Variants in DNAI3 observed in about 807,000 individuals in gnomAD.
DNAI3 encodes dynein axonemal intermediate chain 3.
DNAI3 carries 83 observed loss-of-function variants against 115.5 expected under a neutral mutation model. That is an observed-to-expected ratio of 0.72 (90% CI 0.60 to 0.86). The LOEUF (loss-of-function observed/expected upper bound fraction) is 0.86, where lower values mean the gene tolerates loss of function less well. Among genes scored for constraint, DNAI3 ranks in the 40% least tolerant of loss-of-function variants. The probability of loss-of-function intolerance (pLI) is 0.00; values close to 1 mark genes in which losing one functional copy is unlikely to be tolerated. For missense variants in DNAI3, 1,004 were observed against 1,075.8 expected (o/e 0.93, Z 0.93); for synonymous variants, 320 against 347.0 (o/e 0.92, Z 0.86).
intron 16 of DNAI3, among the ~76,000 whole-genome samples, chr1:85,114,666 C>T (rs941831912): frequency 6.6e-5 from 10 of 152,160 alleles, no homozygotes; most frequent in African/African-American, 2.2e-4. Context: ...GTCACACTGC[C>T]GACTATCCGC....
chr1:85,088,902 A>G (rs1654878545), intron 7 of DNAI3, among the ~76,000 whole-genome samples: 1 of 151,996 alleles, frequency 6.6e-6, no homozygotes, highest in African/African-American at 2.4e-5. Context: ...AATTGAACCC[A>G]AGTCTCTCTG....
At chr1:85,109,494 A>G (rs554891485) in intron 15 of DNAI3, among the ~76,000 whole-genome samples, 2 of 152,334 alleles carry the variant, frequency 1.3e-5, no homozygotes, top group East Asian at 1.9e-4. Flanking sequence ...ATTGCATAGC[A>G]TGTGGACAAA....
chr1:85,112,507 A>G (rs1185101532), intron 16 of DNAI3, among the ~76,000 whole-genome samples: 2 of 152,286 alleles, frequency 1.3e-5, no homozygotes, highest in Non-Finnish European at 2.9e-5. Flanking sequence ...TTTTTCAGAA[A>G]CTGCCAAAGC....
chr1:85,064,357 A>G (rs1406759748), intron 1 of DNAI3, among the ~76,000 whole-genome samples: 1 of 152,232 alleles, frequency 6.6e-6, no homozygotes, highest in Non-Finnish European at 1.5e-5. Flanking sequence ...AGAAGTGGAA[A>G]TAGGTATGGA....
intron 1 of DNAI3, among the ~76,000 whole-genome samples, chr1:85,066,315 T>C (rs2006932): frequency 4.8e-5 from 1 of 20,824 alleles, no homozygotes; most frequent in African/African-American, 1.5e-4. Context: ...TCTGCTACTC[T>C]TTTTTTTTTT....
In DNAI3 at chr1:85,110,031, A is replaced by G. The variant is rs747059411; in HGVS notation, c.1699-17A>G. ...AGGATATGTGGAAATAATCTTTGCT[A>G]TATGTTCTCCCAAAAGGTAAGGCTG... On this transcript the variant is annotated splice_polypyrimidine_tract_variant and intron_variant, in intron 15 of 22. Coordinates refer to ENST00000294664, the MANE Select transcript of DNAI3 (RefSeq NM_145172.5). 2.4e-5 allele frequency: 39 copies of G among 1,607,268 alleles called. No homozygotes were observed. In the East Asian group the frequency reaches 6.9e-4, roughly 29 times the overall value.
At chr1:85,069,621 C>A (rs531887931) in intron 1 of DNAI3, among the ~76,000 whole-genome samples, 1 of 151,964 alleles carries the variant, frequency 6.6e-6, no homozygotes, top group Non-Finnish European at 1.5e-5. Context: ...CTCCTGACCT[C>A]GCGATCCACC....
intron 13 of DNAI3, among the ~76,000 whole-genome samples, chr1:85,101,031 G>A (rs1260070891): frequency 1.3e-5 from 2 of 151,836 alleles, no homozygotes; most frequent in Admixed American, 6.6e-5. Context: ...TAAATGACGA[G>A]TGAATGGGTG....
intron 8 of DNAI3, among the ~76,000 whole-genome samples, chr1:85,092,837 T>C (rs1215858136): frequency 8.8e-6 from 1 of 114,166 alleles, no homozygotes; most frequent in Non-Finnish European, 2.0e-5. Context: ...ACACACACAC[T>C]TCTAAACTCC....
chr1:85,119,382 A>G (rs1368243757), intron 17 of DNAI3, among the ~76,000 whole-genome samples: 1 of 152,242 alleles, frequency 6.6e-6, no homozygotes, highest in Non-Finnish European at 1.5e-5. Flanking sequence ...TACTTTCTGT[A>G]TCTACGAATG....
Position 85,094,482 on chromosome 1 carries a change from A to G in DNAI3, c.1100A>G (p.His367Arg), listed in dbSNP as rs1460548456. 2 of 1,614,164 alleles carry G rather than the reference A, an allele frequency of 1.2e-6. No individual in the cohort carries two copies. The highest frequency in any genetic ancestry group is 1.7e-6 in the Non-Finnish European group (2 of 1,180,018). Residue 367 changes from histidine (H) to arginine (R), a missense_variant, in exon 10 of 23, where the codon CAC (histidine) becomes CGC (arginine). His to Arg is a conservative substitution (Grantham distance 29). Transcript: ENST00000294664. ...CGACTTTCTTTTGAAGACAGAGTTC[A>G]CTTTTCTGGTAAATTATTGCTGCAG... is the stretch of plus-strand genomic sequence containing the variant. ...AVRLSFEDRV[H>R]FSGKLLLQPS...
intron 5 of DNAI3, 136 bp downstream of exon 5, chr1:85,082,540 GC>G: frequency 3.0e-6 from 2 of 672,656 alleles, no homozygotes; most frequent in Non-Finnish European, 2.5e-6. Flanking sequence ...AATCTCCCAG[GC>G]CCAAGTGATC....
chr1:85,101,718 A>C (rs1289243719), intron 13 of DNAI3, among the ~76,000 whole-genome samples: 17 of 98,688 alleles, frequency 1.7e-4, no homozygotes, highest in Admixed American at 1.3e-3. Flanking sequence ...ACAGAGCGAG[A>C]CTCCATCTCA....
chr1:85,079,254 G>C (rs1356001567), intron 3 of DNAI3, among the ~76,000 whole-genome samples: 1 of 151,238 alleles, frequency 6.6e-6, no homozygotes, highest in African/African-American at 2.5e-5. Flanking sequence ...GTTATGGTTA[G>C]TCTTTTGAGG....
chr1:85,098,382 T>C lies in DNAI3; in HGVS notation c.1351-148T>C, dbSNP rs569129995. 961 of 905,876 alleles carry C rather than the reference T, an allele frequency of 1.1e-3. 1 individual carries two copies. Among genetic ancestry groups the C allele is most frequent in the Non-Finnish European group, 1.4e-3 (879 of 624,010 alleles). 56.1% of individuals were successfully genotyped at this position (905,876 alleles called of 1,614,324 possible). A position where few individuals can be genotyped will look rare whatever the true frequency, so the allele number is the denominator to read the frequency against. ...AAAGTAGATAATCCTATTACCTAAA[T>C]ATATGATATAGAGAAACACTAATTT... On this transcript the variant is annotated intron_variant, in intron 12 of 22. Transcript: ENST00000294664.
At chr1:85,129,230 C>T (rs1345552002) in intron 21 of DNAI3, among the ~76,000 whole-genome samples, 1 of 147,840 alleles carries the variant, frequency 6.8e-6, no homozygotes, top group Non-Finnish European at 1.5e-5. Context: ...CGGTATTCTG[C>T]ACCCCCCACA....
chr1:85,132,885 C>T lies in DNAI3; in HGVS notation c.2563C>T (p.Gln855Ter). The change falls in exon 23 of 23, where the codon CAG (glutamine) becomes TAG (stop). Residue 855 changes from glutamine to a stop codon, truncating the protein, a stop_gained. Coordinates refer to ENST00000294664, the MANE Select transcript of DNAI3 (RefSeq NM_145172.5). LOFTEE classifies it low-confidence loss of function (END_TRUNC). Reference sequence around the variant, plus strand: ...ATATCAGAAGTCAAAAGAACAAATGCAGGCTGAATTAAAAATGGACTATGA... The same window carrying T: ...ATATCAGAAGTCAAAAGAACAAATGTAGGCTGAATTAAAAATGGACTATGA... ...KTYQKSKEQM[Q>*]AELKMDYESY... 2.5e-6 allele frequency: 4 copies of T among 1,613,674 alleles called. No individual in the cohort carries two copies. Among genetic ancestry groups the T allele is most frequent in the Middle Eastern group, 1.7e-4 (1 of 6,056 alleles).
At chr1:85,131,827 G>A (rs1234274921) in intron 22 of DNAI3, among the ~76,000 whole-genome samples, 1 of 151,992 alleles carries the variant, frequency 6.6e-6, no homozygotes, top group East Asian at 1.9e-4. Context: ...GTAGAATTGT[G>A]GATAATCCAA....
chr1:85,088,156 TAAGTC>T lies in DNAI3; in HGVS notation c.741-1956_741-1952del, dbSNP rs1654853501. 3.3e-5 allele frequency among the ~76,000 whole-genome samples: 5 copies of T among 152,174 alleles called. No homozygotes were observed. In the South Asian group the frequency reaches 1.0e-3, roughly 32 times the overall value. ...GAACTTGAATTTTGAGACAAATTTC[TAAGTC>T]AAGCCAGCCAGAGATTTATTTTATG... On this transcript the variant is annotated intron_variant, in intron 7 of 22. Coordinates refer to ENST00000294664, the MANE Select transcript of DNAI3 (RefSeq NM_145172.5).
Sources: gnomAD v4.1 joint callset for allele counts (sites outside exome capture counted in the v4.1 genomes callset) on GRCh38, gnomAD v4.1.1 for gene constraint, MANE v1.5 for transcripts, NCBI Gene and HGNC (gene_info 2026-07-23, HGNC 2026-07-21) for gene names.